NDUFAF6: variants seen among roughly 807,000 people sequenced by gnomAD.
The protein encoded by NDUFAF6 is NADH dehydrogenase (ubiquinone) complex I, assembly factor 6.
In NDUFAF6, 45 loss-of-function variants were observed where a neutral mutation model predicts 40.8. The observed-to-expected ratio is 1.10, with a 90% CI of 0.87 to 1.42. The LOEUF (loss-of-function observed/expected upper bound fraction) is 1.42, where lower values mean the gene tolerates loss of function less well. Among genes scored for constraint, NDUFAF6 ranks in the 40% most tolerant of loss-of-function variants. NDUFAF6 has a pLI of 0.00. For synonymous variants in NDUFAF6, 185 were observed against 155.9 expected, an observed-to-expected ratio of 1.19 and a Z score of -1.39; for missense variants, 435 against 418.5, an observed-to-expected ratio of 1.04 and a Z score of -0.34.
At chr8:95,033,428 C>T (rs1219576353) in intron 2 of NDUFAF6, among the ~76,000 whole-genome samples, 1 of 152,200 alleles carries the variant, frequency 6.6e-6, no homozygotes, top group Non-Finnish European at 1.5e-5. Flanking sequence ...GTACATCTTG[C>T]TGCTGCTTTG....
intron 4 of NDUFAF6, among the ~76,000 whole-genome samples, chr8:95,109,323 G>A (rs1022834376): frequency 6.6e-6 from 1 of 152,222 alleles, no homozygotes; most frequent in African/African-American, 2.4e-5. Context: ...ATTAACAAAT[G>A]TAAAACATTT....
At chr8:95,049,958 G>A (rs1831245685) in intron 7 of NDUFAF6, among the ~76,000 whole-genome samples, 1 of 152,220 alleles carries the variant, frequency 6.6e-6, no homozygotes, top group South Asian at 2.1e-4. Flanking sequence ...TAATCAGATT[G>A]TAAGCTCTTT....
intron 2 of NDUFAF6, among the ~76,000 whole-genome samples, chr8:94,948,597 G>A (rs1221272600): frequency 6.6e-6 from 1 of 152,180 alleles, no homozygotes; most frequent in Non-Finnish European, 1.5e-5. Flanking sequence ...GGAACTCGGA[G>A]GGCAGGCGCA....
chr8:94,941,281 C>A (rs1260061194), intron 1 of NDUFAF6, among the ~76,000 whole-genome samples: 1 of 152,162 alleles, frequency 6.6e-6, no homozygotes, highest in African/African-American at 2.4e-5. Flanking sequence ...TACTCAAATT[C>A]AACCTATAAA....
intron 2 of NDUFAF6, among the ~76,000 whole-genome samples, chr8:95,093,367 G>C (rs1430148709): frequency 6.6e-6 from 1 of 152,182 alleles, no homozygotes; most frequent in Non-Finnish European, 1.5e-5. Context: ...ACATGACAAT[G>C]TGTGACAGAA....
At chr8:94,920,187 A>G (rs1819406023) in intron 1 of NDUFAF6, among the ~76,000 whole-genome samples, 1 of 152,270 alleles carries the variant, frequency 6.6e-6, no homozygotes, top group African/African-American at 2.4e-5. Flanking sequence ...AACACTATAT[A>G]AGAACCATCT....
intron 2 of NDUFAF6, among the ~76,000 whole-genome samples, chr8:95,010,053 G>A (rs547875857): frequency 6.6e-6 from 1 of 152,228 alleles, no homozygotes; most frequent in East Asian, 1.9e-4. Context: ...CCTATGTGAG[G>A]GATGCTGCTT....
chr8:95,113,782 G>C (rs935133516), intron 4 of NDUFAF6, among the ~76,000 whole-genome samples: 4 of 152,198 alleles, frequency 2.6e-5, no homozygotes, highest in Non-Finnish European at 4.4e-5. Context: ...AGGCAGAGAG[G>C]TTGCGGTGAG....
chr8:95,093,908 A>G (rs1035189586), intron 2 of NDUFAF6, among the ~76,000 whole-genome samples: 1 of 152,130 alleles, frequency 6.6e-6, no homozygotes, highest in Admixed American at 6.5e-5. Flanking sequence ...TTAATTAGCT[A>G]CCTTCTTTTC....
intron 2 of NDUFAF6, among the ~76,000 whole-genome samples, chr8:95,085,868 T>C (rs1439049215): frequency 6.6e-6 from 1 of 152,148 alleles, no homozygotes; most frequent in Non-Finnish European, 1.5e-5. Context: ...GGGATGGGGC[T>C]TTATTAATTT....
In NDUFAF6 at chr8:95,058,556, G is replaced by T; in HGVS notation, c.*619G>T. 3.3e-6 allele frequency: 4 copies of T among 1,216,978 alleles called. No individual in the cohort carries two copies. The highest frequency in any genetic ancestry group is 3.1e-6 in the Non-Finnish European group (3 of 979,322). The allele number at this position is 1,216,978 out of a possible 1,614,324, so 75.4% of individuals were successfully genotyped here. A position where few individuals can be genotyped will look rare whatever the true frequency, so the allele number is the denominator to read the frequency against. On this transcript the variant is annotated 3_prime_UTR_variant, in exon 9 of 9. Transcript: ENST00000396124. ...GAGCCTTAATTTGACTTTAGCTCTG[G>T]CTGGTCTGGAAGCTTTTACTTTTTT...
chr8:95,053,973 T>C (rs199781883), intron 8 of NDUFAF6, among the ~76,000 whole-genome samples: 1 of 144,446 alleles, frequency 6.9e-6, no homozygotes, highest in East Asian at 2.0e-4. Flanking sequence ...CTCACTCTGT[T>C]GCCCAGGTTC....
At chr8:95,100,345 A>C (rs913052985), upstream of NDUFAF6, 2 of 152,214 alleles carry the variant, frequency 1.3e-5, no homozygotes, top group East Asian at 3.8e-4. Flanking sequence ...GTTCTGCTCC[A>C]CAAAAACTGT....
chr8:95,009,565 A>G (rs541842415), intron 2 of NDUFAF6, among the ~76,000 whole-genome samples: 2 of 152,348 alleles, frequency 1.3e-5, no homozygotes, highest in South Asian at 4.1e-4. Context: ...TTCCCATAAC[A>G]GCAACGGAGA....
intron 2 of NDUFAF6, among the ~76,000 whole-genome samples, chr8:95,033,627 G>A (rs1166606870): frequency 6.6e-6 from 1 of 152,186 alleles, no homozygotes; most frequent in Non-Finnish European, 1.5e-5. Context: ...GGATAAGGAG[G>A]CTTCGAAGGC....
At chr8:94,981,807 A>G (rs1825465677) in intron 2 of NDUFAF6, among the ~76,000 whole-genome samples, 1 of 151,994 alleles carries the variant, frequency 6.6e-6, no homozygotes, top group South Asian at 2.1e-4. Flanking sequence ...ATGTACACTT[A>G]CACACTGCAT....
downstream of NDUFAF6, among the ~76,000 whole-genome samples, chr8:95,117,664 T>G (rs139329214): frequency 4.8e-3 from 730 of 152,328 alleles, 7 homozygotes; most frequent in African/African-American, 0.016. Context: ...TTCTTAGCTT[T>G]CCTTTTAGTT....
intron 1 of NDUFAF6, chr8:94,930,518 C>T: frequency 1.2e-6 from 2 of 1,614,198 alleles, no homozygotes; most frequent in Non-Finnish European, 1.7e-6. Flanking sequence ...GATGAACAAC[C>T]CAGCCATTGT....
chr8:95,114,372 G>T (rs566022117), intron 4 of NDUFAF6, among the ~76,000 whole-genome samples: 1 of 152,198 alleles, frequency 6.6e-6, no homozygotes, highest in South Asian at 2.1e-4. Context: ...CCACAGGACC[G>T]CAAAAGCAGC....
Sources: gnomAD v4.1 joint callset for allele counts (sites outside exome capture counted in the v4.1 genomes callset) on GRCh38, gnomAD v4.1.1 for gene constraint, MANE v1.5 for transcripts, NCBI Gene and HGNC (gene_info 2026-07-23, HGNC 2026-07-21) for gene names.